Variants in OSBPL9 observed in about 807,000 individuals in gnomAD.
The protein encoded by OSBPL9 is oxysterol-binding protein-related protein 9.
In OSBPL9, 40 loss-of-function variants were observed where a neutral mutation model predicts 106.6. The ratio of observed to expected loss-of-function variants is 0.38; its 90% CI spans 0.29 to 0.49. OSBPL9 has a LOEUF of 0.49. OSBPL9 is among the 20% of genes least tolerant of loss of function. The probability of loss-of-function intolerance (pLI) is 0.97; values close to 1 mark genes in which losing one functional copy is unlikely to be tolerated. For missense variants in OSBPL9, 609 were observed against 887.2 expected, an observed-to-expected ratio of 0.69 and a Z score of 3.98; for synonymous variants, 269 against 295.4, an observed-to-expected ratio of 0.91 and a Z score of 0.92.
intron 23 of OSBPL9, 56 bp from the exon 24 acceptor site, chr1:51,787,659 A>G (rs965547847): frequency 1.1e-5 from 17 of 1,598,106 alleles, no homozygotes; most frequent in East Asian, 2.2e-5. Flanking sequence ...AATAGTAAGT[A>G]TATTACAGAA....
At chr1:51,712,670 A>G (rs959922636) in intron 3 of OSBPL9, among the ~76,000 whole-genome samples, 1 of 152,172 alleles carries the variant, frequency 6.6e-6, no homozygotes, top group African/African-American at 2.4e-5. Context: ...GGAAAAAATT[A>G]TGTCATTTAT....
At chr1:51,730,986 C>G (rs1488114876) in intron 4 of OSBPL9, among the ~76,000 whole-genome samples, 1 of 151,896 alleles carries the variant, frequency 6.6e-6, no homozygotes, top group Non-Finnish European at 1.5e-5. Flanking sequence ...GTTGATGAAA[C>G]CCTTTAATGA....
At chr1:51,664,233 A>G (rs2148744333) in intron 2 of OSBPL9, among the ~76,000 whole-genome samples, 1 of 152,344 alleles carries the variant, frequency 6.6e-6, no homozygotes, top group Middle Eastern at 3.4e-3. Context: ...GTCCATGCAC[A>G]ATGGAATTGA....
chr1:51,711,188 C>T (rs12095806), intron 3 of OSBPL9, among the ~76,000 whole-genome samples: 125,000 of 151,244 alleles, frequency 0.83, 52,565 homozygotes, highest in East Asian at 0.98. Flanking sequence ...AAGCCGCCAT[C>T]GTCATCCTGG....
In OSBPL9 at chr1:51,639,856, G is replaced by A. The variant is rs894789118; in HGVS notation, c.112-12135G>A. ...TTTTTTTTTTTTGAGATAGGGTCTC[G>A]CTCTGTGGTCCAGGCTGGAGTGCAG... On this transcript the variant is annotated intron_variant, in intron 1 of 23. Transcript: ENST00000428468. Among the ~76,000 whole-genome samples the A allele has an allele frequency of 1.2e-4, 14 of 119,626 alleles. No homozygotes were observed. In the Admixed American group the frequency reaches 1.6e-3, roughly 13 times the overall value. The allele number at this position is 119,626 out of a possible 152,430, so 78.5% of individuals were successfully genotyped here. A position where few individuals can be genotyped will look rare whatever the true frequency, so the allele number is the denominator to read the frequency against.
At chr1:51,603,608 T>C (rs1421179546) in intron 2 of OSBPL9, among the ~76,000 whole-genome samples, 1 of 152,224 alleles carries the variant, frequency 6.6e-6, no homozygotes, top group Non-Finnish European at 1.5e-5. Flanking sequence ...TATGTTCTGG[T>C]CTCTAAGAGT....
At chr1:51,565,288 C>T in the OSBPL9 span, among the ~76,000 whole-genome samples, 2 of 152,184 alleles carry the variant, frequency 1.3e-5, no homozygotes, top group African/African-American at 2.4e-5. Context: ...TCCTACCATG[C>T]CCCACCTTGA....
intron 23 of OSBPL9, 69 bp from the exon 24 acceptor site, chr1:51,787,646 T>C: frequency 6.3e-7 from 1 of 1,593,424 alleles, no homozygotes; most frequent in East Asian, 2.3e-5. Context: ...GGAGCAGATA[T>C]GAAATAGTAA....
At chr1:51,639,157 C>T (rs1416521760) in intron 1 of OSBPL9, among the ~76,000 whole-genome samples, 5 of 152,080 alleles carry the variant, frequency 3.3e-5, no homozygotes, top group Non-Finnish European at 5.9e-5. Context: ...ACTAATATCC[C>T]AATCAAAATA....
the OSBPL9 span, among the ~76,000 whole-genome samples, chr1:51,522,472 G>A: frequency 0.033 from 4,974 of 152,192 alleles, 273 homozygotes; most frequent in African/African-American, 0.11. Context: ...TCCCAAAAAA[G>A]GCCTAGAACT....
At chr1:51,715,265 T>A (rs1405045179) in intron 4 of OSBPL9, among the ~76,000 whole-genome samples, 1 of 152,190 alleles carries the variant, frequency 6.6e-6, no homozygotes, top group East Asian at 1.9e-4. Context: ...AAGAAATGAA[T>A]ATGAAATTGA....
At chr1:51,634,562 G>A (rs1557615398) in intron 1 of OSBPL9, among the ~76,000 whole-genome samples, 1 of 152,164 alleles carries the variant, frequency 6.6e-6, no homozygotes, top group Non-Finnish European at 1.5e-5. Context: ...ACGTGCATAA[G>A]CATGGGAGCC....
chr1:51,646,804 G>C (rs975055468), intron 1 of OSBPL9, among the ~76,000 whole-genome samples: 3 of 152,018 alleles, frequency 2.0e-5, no homozygotes, highest in Admixed American at 1.3e-4. Flanking sequence ...CAAAGTGCTG[G>C]GATTACAGGT....
intron 12 of OSBPL9, among the ~76,000 whole-genome samples, chr1:51,767,716 C>T (rs925052321): frequency 6.6e-6 from 1 of 152,034 alleles, no homozygotes; most frequent in African/African-American, 2.4e-5. Context: ...CTTAGTTTAG[C>T]ATATTGGTTT....
At chr1:51,671,486 T>C (rs1334712027) in intron 3 of OSBPL9, among the ~76,000 whole-genome samples, 4 of 151,928 alleles carry the variant, frequency 2.6e-5, no homozygotes, top group South Asian at 4.1e-4. Flanking sequence ...AAAGCTAGAG[T>C]TTGTTCAGAT....
chr1:51,685,072 A>G (rs1653474313), intron 3 of OSBPL9, among the ~76,000 whole-genome samples: 1 of 152,110 alleles, frequency 6.6e-6, no homozygotes, highest in African/African-American at 2.4e-5. Context: ...TCTAGAAAAT[A>G]CCAGTACTCA....
intron 1 of OSBPL9, among the ~76,000 whole-genome samples, chr1:51,645,486 GT>G (rs918933170): frequency 4.0e-4 from 58 of 146,152 alleles, no homozygotes; most frequent in African/African-American, 1.2e-3. Flanking sequence ...TGTTTGGTTG[GT>G]TTTTTTTTTA....
Position 51,787,979 on chromosome 1 carries a change from G to C in OSBPL9, c.*190G>C. ...AAGCTTCCCTTTTCCCTCTGTGGCA[G>C]TTACGATTTTGACTTCAGTCCTGAG... is the stretch of plus-strand genomic sequence containing the variant. On this transcript the variant is annotated 3_prime_UTR_variant, in exon 24 of 24. Coordinates refer to ENST00000428468, the MANE Select transcript of OSBPL9 (RefSeq NM_024586.6). 1 of 565,348 alleles carries C rather than the reference G, an allele frequency of 1.8e-6. No individual in the cohort carries two copies. The allele number at this position is 565,348 out of a possible 1,614,324, so 35.0% of individuals were successfully genotyped here.
In OSBPL9 at chr1:51,685,294, T is replaced by C. The variant is rs183266169; in HGVS notation, c.241+15782T>C. ...TTCTCAGACCCAGGTTAAATATCTC[T>C]AAGTTAAAGCTATAGTAATTCTGGT... On this transcript the variant is annotated intron_variant, in intron 3 of 23. Transcript: ENST00000428468. Among the ~76,000 whole-genome samples the C allele has an allele frequency of 2.9e-3, 444 of 152,300 alleles. 3 individuals are homozygous for C. Among genetic ancestry groups the C allele is most frequent in the Non-Finnish European group, 5.0e-3 (343 of 68,034 alleles).
Sources: allele counts gnomAD v4.1 joint callset (sites outside exome capture counted in the v4.1 genomes callset), GRCh38; gene constraint gnomAD v4.1.1; transcripts MANE v1.5; gene names NCBI Gene and HGNC (gene_info 2026-07-23, HGNC 2026-07-21).